PFKFB4: variants seen among roughly 807,000 people sequenced by gnomAD.
The protein encoded by PFKFB4 is 6-phosphofructo-2-kinase/fructose-2,6-bisphosphatase 4.
PFKFB4 carries 42 observed loss-of-function variants against 62.8 expected under a neutral mutation model. That is an observed-to-expected ratio of 0.67 (90% CI 0.52 to 0.86). The LOEUF (loss-of-function observed/expected upper bound fraction) is 0.86. Ranked by LOEUF, PFKFB4 falls within the 40% of genes least tolerant of loss-of-function variation. The pLI, the probability that PFKFB4 is intolerant of heterozygous loss-of-function variation, is 0.00. For missense variants in PFKFB4, 475 were observed against 627.2 expected, an observed-to-expected ratio of 0.76 and a Z score of 2.59; for synonymous variants, 204 against 240.7, an observed-to-expected ratio of 0.85 and a Z score of 1.41.
chr3:48,549,842 C>CA (rs2043077737), intron 3 of PFKFB4, 22 bp downstream of exon 3: 2 of 1,458,822 alleles, frequency 1.4e-6, no homozygotes, highest in African/African-American at 1.4e-5. Flanking sequence ...CCTCTCCCCC[C>CA]ACACCCAACA....
At chr3:48,535,426 G>T in intron 9 of PFKFB4, 86 bp downstream of exon 9, 1 of 1,211,132 alleles carries the variant, frequency 8.3e-7, no homozygotes, top group East Asian at 2.4e-5. Flanking sequence ...TTTGCCCAAG[G>T]GGAGCAATGG....
intron 4 of PFKFB4, among the ~76,000 whole-genome samples, chr3:48,541,008 C>T (rs1461280470): frequency 6.6e-6 from 1 of 151,918 alleles, no homozygotes; most frequent in Non-Finnish European, 1.5e-5. Context: ...AACTCCTGAC[C>T]TCATGATCTG....
At chr3:48,520,277 C>T (rs1427522175) in intron 13 of PFKFB4, among the ~76,000 whole-genome samples, 1 of 152,160 alleles carries the variant, frequency 6.6e-6, no homozygotes, top group Non-Finnish European at 1.5e-5. Context: ...CTGGTCTGTC[C>T]CCTCAGAACT....
At chr3:48,541,045 G>A (rs1441117948) in intron 4 of PFKFB4, among the ~76,000 whole-genome samples, 1 of 150,288 alleles carries the variant, frequency 6.7e-6, no homozygotes, top group African/African-American at 2.5e-5. Context: ...AAAGTGCTGG[G>A]ATTACAGGGG....
Position 48,543,633 on chromosome 3 carries a change from C to A in PFKFB4, c.325G>T (p.Ala109Ser). The change falls in exon 4 of 14, where the codon GCA (alanine) becomes TCA (serine). Residue 109 changes from alanine to serine, a missense_variant. Transcript: ENST00000232375. ...GLKIRKQCAL[A>S]ALRDVRRFLS... ...AACCGCCGGACGTCACGGAGGGCTG[C>A]CAGGGCACACTGCCTTCAGGAGAGA... 2 of 1,611,564 alleles carry A rather than the reference C, an allele frequency of 1.2e-6. No individual in the cohort carries two copies. The highest frequency in any genetic ancestry group is 2.2e-5 in the South Asian group (2 of 90,166).
At chr3:48,558,870 G>A (rs2043390136), upstream of PFKFB4, among the ~76,000 whole-genome samples, 1 of 152,228 alleles carries the variant, frequency 6.6e-6, no homozygotes, top group African/African-American at 2.4e-5. Flanking sequence ...TCGTGACACA[G>A]CCAGCCCTCT....
At chr3:48,552,732 A>G (rs1254477268) in intron 1 of PFKFB4, among the ~76,000 whole-genome samples, 1 of 152,144 alleles carries the variant, frequency 6.6e-6, no homozygotes, top group East Asian at 1.9e-4. Context: ...AGGGACTCCC[A>G]AAACCTCAGG....
rs1249253860 is a variant in PFKFB4, at chr3:48,556,058, A to G, written c.97+623T>C. 2.2e-6 allele frequency: 1 copy of G among 456,288 alleles called. No individual in the cohort carries two copies. The highest frequency in any genetic ancestry group is 4.4e-6 in the Non-Finnish European group (1 of 226,638). 28.3% of individuals were successfully genotyped at this position (456,288 alleles called of 1,614,324 possible). A position where few individuals can be genotyped will look rare whatever the true frequency, so the allele number is the denominator to read the frequency against. On this transcript the variant is annotated intron_variant, in intron 1 of 13. Coordinates refer to ENST00000232375, the MANE Select transcript of PFKFB4 (RefSeq NM_004567.4). The surrounding 1 kb of genome is among the most constrained non-coding windows in gnomAD (Gnocchi z 5.7). ...CTGTTTCACTCTCCAGTTTTACTGT[A>G]CACCCATGACCCCAGGTGGATACTT... is the stretch of plus-strand genomic sequence containing the variant.
At chr3:48,523,439 C>T (rs2042158092) in intron 12 of PFKFB4, 98 bp downstream of exon 12, 5 of 1,205,446 alleles carry the variant, frequency 4.1e-6, no homozygotes, top group Admixed American at 1.8e-5. Context: ...GGAATGGGCT[C>T]CTAACACAAT....
chr3:48,539,486 GC>G, intron 5 of PFKFB4, 176 bp from the exon 6 acceptor site: 1 of 708,200 alleles, frequency 1.4e-6, no homozygotes, highest in East Asian at 2.7e-5. Flanking sequence ...CAGAGCTAAA[GC>G]AGGTGCTGCC....
At position 48,550,188 on chromosome 3, in the gene PFKFB4, G is replaced by A. The variant is rs1454254287; in HGVS notation, c.144C>T (p.Pro48=). 5.0e-6 allele frequency: 8 copies of A among 1,614,008 alleles called. No homozygotes were observed. The highest frequency in any genetic ancestry group is 2.2e-5 in the South Asian group (2 of 91,084). The change falls in exon 2 of 14, where the codon CCC becomes CCT. Residue 48 remains proline, a synonymous_variant. Coordinates refer to ENST00000232375, the MANE Select transcript of PFKFB4 (RefSeq NM_004567.4). ...CPTLIVMVGL[P]ARGKTYISKK... ...TGGAGATGTAGGTCTTGCCCCTGGC[G>A]GGCAGGCCCACCATGACAATGAGAG...
upstream of PFKFB4, chr3:48,561,181 A>G: frequency 2.2e-6 from 2 of 910,202 alleles, no homozygotes; most frequent in South Asian, 1.5e-5. The surrounding 1 kb of genome is among the most constrained non-coding windows in gnomAD (Gnocchi z 5.2). Flanking sequence ...CCCGCCTAGC[A>G]CTCTGAAGAG....
Position 48,556,783 on chromosome 3 carries a change from G to A in PFKFB4, c.-6C>T. The A allele has an allele frequency of 1.3e-6, 2 of 1,599,090 alleles. No homozygotes were observed. Among genetic ancestry groups the A allele is most frequent in the African/African-American group, 1.4e-5 (1 of 73,760 alleles). On this transcript the variant is annotated 5_prime_UTR_variant, in exon 1 of 14. Transcript: ENST00000232375. The surrounding 1 kb of genome is among the most constrained non-coding windows in gnomAD (Gnocchi z 5.7). The stretch of plus-strand genomic sequence containing the variant: ...AATTCCCGTGGGGACGCCATCCCGG[G>A]GCCGGGATGAGTCGGACTGCGCCGC...
Position 48,523,182 on chromosome 3 carries a change from C to T in PFKFB4, c.1285+355G>A, listed in dbSNP as rs566555387. On this transcript the variant is annotated intron_variant, in intron 12 of 13. Coordinates refer to ENST00000232375, the MANE Select transcript of PFKFB4 (RefSeq NM_004567.4). Reference sequence around the variant, plus strand: ...GGTAGATCACCTAAGGTCAGGAGTTCGAGACCAGCCTGACAACATGGTGAC... The same window carrying T: ...GGTAGATCACCTAAGGTCAGGAGTTTGAGACCAGCCTGACAACATGGTGAC... Among the ~76,000 whole-genome samples the T allele has an allele frequency of 1.0e-3, 158 of 152,076 alleles. 1 individual carries two copies. The highest frequency in any genetic ancestry group is 3.5e-3 in the African/African-American group (146 of 41,530).
chr3:48,562,082 C>T (rs1232129299), upstream of PFKFB4: 1 of 152,446 alleles, frequency 6.6e-6, no homozygotes, highest in African/African-American at 2.4e-5. The surrounding 1 kb of genome is among the most constrained non-coding windows in gnomAD (Gnocchi z 4.3). Context: ...GTACCCTTAC[C>T]CTGCTCACAC....
intron 9 of PFKFB4, among the ~76,000 whole-genome samples, chr3:48,535,146 T>C (rs2042554444): frequency 6.6e-6 from 1 of 152,182 alleles, no homozygotes; most frequent in South Asian, 2.1e-4. Flanking sequence ...CCGTGCTGGT[T>C]CACCTCATTT....
chr3:48,558,878 T>A (rs765883794), upstream of PFKFB4, among the ~76,000 whole-genome samples: 1 of 152,204 alleles, frequency 6.6e-6, no homozygotes, highest in Non-Finnish European at 1.5e-5. Context: ...CAGCCAGCCC[T>A]CTTGTCTTCT....
Position 48,522,060 on chromosome 3 carries a change from G to A in PFKFB4, c.1286-10C>T. 3 of 1,613,780 alleles carry A rather than the reference G, an allele frequency of 1.9e-6. No individual in the cohort carries two copies. The highest frequency in any genetic ancestry group is 2.5e-6 in the Non-Finnish European group (3 of 1,179,670). ...GACTCCACTTTACAACCTGCCAAAG[G>A]GAAGATGCAAATCCATCCCCACTCC... On this transcript the variant is annotated splice_polypyrimidine_tract_variant and intron_variant, in intron 12 of 13. Transcript: ENST00000232375.
intron 8 of PFKFB4, 90 bp from the exon 9 acceptor site, chr3:48,535,748 G>T: frequency 6.9e-7 from 1 of 1,453,718 alleles, no homozygotes; most frequent in Non-Finnish European, 9.5e-7. Context: ...GATCACCCTC[G>T]CCTTGAACAC....
Sources: gnomAD v4.1 joint callset for allele counts (sites outside exome capture counted in the v4.1 genomes callset) on GRCh38, gnomAD v4.1.1 for gene constraint, Gnocchi (gnomAD v3.1) non-coding constraint, MANE v1.5 for transcripts, NCBI Gene and HGNC (gene_info 2026-07-23, HGNC 2026-07-21) for gene names.